DPP10: variants seen among roughly 807,000 people sequenced by gnomAD.
DPP10 encodes inactive dipeptidyl peptidase 10.
A neutral mutation model predicts 120.9 loss-of-function variants in DPP10; 33 were observed. The ratio of observed to expected loss-of-function variants is 0.27; its 90% CI spans 0.21 to 0.37. DPP10 has a LOEUF of 0.37. Among genes scored for constraint, DPP10 ranks in the 10% least tolerant of loss-of-function variants. The pLI is 1.00. For missense variants in DPP10, 816 were observed against 942.8 expected (o/e 0.87, Z 1.76); for synonymous variants, 337 against 326.1 (o/e 1.03, Z -0.36).
intron 1 of DPP10, among the ~76,000 whole-genome samples, chr2:115,285,483 T>C (rs1276549629): frequency 6.6e-6 from 1 of 152,194 alleles, no homozygotes; most frequent in East Asian, 1.9e-4. Flanking sequence ...CACCTTGGAA[T>C]GTGTGCAAGT....
chr2:114,906,924 A>C (rs917836939), intron 1 of DPP10, among the ~76,000 whole-genome samples: 3 of 152,180 alleles, frequency 2.0e-5, no homozygotes, highest in African/African-American at 7.2e-5. Flanking sequence ...GTTATGCTTC[A>C]AATTTTCTCT....
intron 1 of DPP10, among the ~76,000 whole-genome samples, chr2:114,949,010 C>T (rs1293706094): frequency 7.2e-5 from 11 of 151,884 alleles, no homozygotes; most frequent in East Asian, 1.9e-4. Flanking sequence ...CTTCAACCTC[C>T]GCCTCCCGGG....
At chr2:115,347,496 A>G (rs532769244) in intron 3 of DPP10, among the ~76,000 whole-genome samples, 1 of 152,182 alleles carries the variant, frequency 6.6e-6, no homozygotes, top group South Asian at 2.1e-4. Context: ...TATTATTGTT[A>G]TTATACTTTA....
chr2:115,562,261 G>C (rs1391979176), intron 5 of DPP10, among the ~76,000 whole-genome samples: 1 of 152,018 alleles, frequency 6.6e-6, no homozygotes, highest in Admixed American at 6.6e-5. Context: ...ATTCTGGCTC[G>C]CTCTTTCTCT....
At chr2:115,517,631 A>C (rs1185289945) in intron 4 of DPP10, among the ~76,000 whole-genome samples, 1 of 152,150 alleles carries the variant, frequency 6.6e-6, no homozygotes, top group Admixed American at 6.5e-5. Context: ...ATATTACCAT[A>C]TATTTATTGT....
At chr2:115,656,075 C>G (rs4241136) in intron 5 of DPP10, among the ~76,000 whole-genome samples, 61,005 of 150,734 alleles carry the variant, frequency 0.4, 13,338 homozygotes, top group East Asian at 0.64. Flanking sequence ...ATTAATAAGA[C>G]AGTATTGTGC....
chr2:115,304,370 C>T (rs1310785172), intron 1 of DPP10, among the ~76,000 whole-genome samples: 2 of 151,946 alleles, frequency 1.3e-5, no homozygotes, highest in Non-Finnish European at 2.9e-5. Context: ...TAAGAACGAA[C>T]GTAAACAGTG....
At chr2:115,543,954 T>C (rs1161308041) in intron 5 of DPP10, among the ~76,000 whole-genome samples, 1 of 151,850 alleles carries the variant, frequency 6.6e-6, no homozygotes, top group Non-Finnish European at 1.5e-5. Context: ...TATTTAACAA[T>C]TGTAACTTCA....
At chr2:115,333,460 G>C (rs1252730315) in intron 2 of DPP10, among the ~76,000 whole-genome samples, 1 of 152,138 alleles carries the variant, frequency 6.6e-6, no homozygotes, top group Non-Finnish European at 1.5e-5. Context: ...ATTTGATCCT[G>C]TCAGTATGAT....
At chr2:114,794,465 A>C (rs1462775919) in intron 1 of DPP10, among the ~76,000 whole-genome samples, 1 of 152,180 alleles carries the variant, frequency 6.6e-6, no homozygotes, top group African/African-American at 2.4e-5. Context: ...CATTGATCCA[A>C]AAATAATTTT....
At chr2:115,353,952 AG>A (rs1030497463) in intron 3 of DPP10, among the ~76,000 whole-genome samples, 1 of 152,174 alleles carries the variant, frequency 6.6e-6, no homozygotes, top group Non-Finnish European at 1.5e-5. Context: ...ACAATATTAA[AG>A]GAAAAGTAGA....
At chr2:114,532,028 T>C (rs1212857038) in intron 1 of DPP10, among the ~76,000 whole-genome samples, 2 of 151,672 alleles carry the variant, frequency 1.3e-5, no homozygotes, top group Non-Finnish European at 2.9e-5. Flanking sequence ...AGAATTTGCT[T>C]TCCGTTTGAA....
At chr2:115,419,834 T>C (rs2104666469) in intron 3 of DPP10, among the ~76,000 whole-genome samples, 1 of 152,284 alleles carries the variant, frequency 6.6e-6, no homozygotes, top group Middle Eastern at 3.4e-3. Flanking sequence ...CATTAAAATG[T>C]CTCCTGGTGA....
intron 3 of DPP10, among the ~76,000 whole-genome samples, chr2:115,347,785 A>T (rs2063782749): frequency 6.6e-6 from 1 of 152,120 alleles, no homozygotes; most frequent in South Asian, 2.1e-4. Context: ...TTCCAGCATC[A>T]TCCATGTCCC....
At chr2:115,323,344 C>G (rs2062164995) in intron 2 of DPP10, among the ~76,000 whole-genome samples, 1 of 152,190 alleles carries the variant, frequency 6.6e-6, no homozygotes, top group Non-Finnish European at 1.5e-5. Context: ...GTTTCATCTT[C>G]ATGTTCCACT....
chr2:115,706,460 T>C (rs940706107), intron 7 of DPP10, among the ~76,000 whole-genome samples: 12 of 152,088 alleles, frequency 7.9e-5, no homozygotes, highest in African/African-American at 2.9e-4. Context: ...ATTTTCTAAC[T>C]GTTCACCTGG....
In DPP10 at chr2:115,811,589, G is replaced by T. The variant is rs888489946; in HGVS notation, c.1701-3204G>T. Among the ~76,000 whole-genome samples, 11 of 152,302 alleles carry T rather than the reference G, an allele frequency of 7.2e-5. No homozygotes were observed. In the Middle Eastern group the frequency reaches 0.014, roughly 188 times the overall value. ...CTGAAATCGCTGTGAACAAGGCAAT[G>T]TGTCATACGTAGATTGGAAAGTTAT... On this transcript the variant is annotated intron_variant, in intron 19 of 25. Transcript: ENST00000410059.
At chr2:115,076,315 A>G (rs945447775) in intron 1 of DPP10, among the ~76,000 whole-genome samples, 6 of 107,234 alleles carry the variant, frequency 5.6e-5, no homozygotes, top group African/African-American at 2.5e-4. Flanking sequence ...CCTTTCTCCC[A>G]TATCATTTCC....
At chr2:115,116,147 AT>A (rs61553657) in intron 1 of DPP10, among the ~76,000 whole-genome samples, 2 of 151,940 alleles carry the variant, frequency 1.3e-5, no homozygotes, top group East Asian at 1.9e-4. Context: ...TTCAAATCTC[AT>A]TTTTTTTCCC....
Sources: allele counts gnomAD v4.1 joint callset (sites outside exome capture counted in the v4.1 genomes callset), GRCh38; gene constraint gnomAD v4.1.1; transcripts MANE v1.5; gene names NCBI Gene and HGNC (gene_info 2026-07-23, HGNC 2026-07-21).